Variants in ICA1 observed in about 807,000 individuals in gnomAD.
ICA1 encodes the protein islet cell autoantigen 1.
ICA1 carries 40 observed loss-of-function variants against 71.0 expected under a neutral mutation model. The ratio of observed to expected loss-of-function variants is 0.56; its 90% CI spans 0.44 to 0.73. The LOEUF (loss-of-function observed/expected upper bound fraction) is 0.73. Ranked by LOEUF, ICA1 falls within the 30% of genes least tolerant of loss-of-function variation. The pLI is 0.00. For missense variants in ICA1, 578 were observed against 576.5 expected (o/e 1.00, Z -0.03); for synonymous variants, 207 against 209.5 (o/e 0.99, Z 0.10).
At chr7:8,212,588 A>G (rs1794162077) in intron 6 of ICA1, among the ~76,000 whole-genome samples, 1 of 152,086 alleles carries the variant, frequency 6.6e-6, no homozygotes, top group South Asian at 2.1e-4. Context: ...CAAAACGAAA[A>G]ACTAAAAATG....
At chr7:8,115,242 G>A (rs1482898850) in intron 13 of ICA1, among the ~76,000 whole-genome samples, 29 of 152,164 alleles carry the variant, frequency 1.9e-4, no homozygotes, top group Admixed American at 1.8e-3. Context: ...TAATATGCAA[G>A]TTATTACTAT....
chr7:8,115,708 A>G (rs1366457237), intron 13 of ICA1, among the ~76,000 whole-genome samples: 3 of 152,214 alleles, frequency 2.0e-5, no homozygotes, highest in Admixed American at 6.5e-5. Flanking sequence ...CCTGTGGCCA[A>G]CAAGAGAAAG....
chr7:8,241,262 A>T (rs1803768012), intron 1 of ICA1, among the ~76,000 whole-genome samples: 1 of 152,252 alleles, frequency 6.6e-6, no homozygotes, highest in South Asian at 2.1e-4. Context: ...GCCAATATTC[A>T]ACATTCTTAA....
At chr7:8,204,192 G>C (rs17144903) in intron 6 of ICA1, among the ~76,000 whole-genome samples, 10,358 of 152,182 alleles carry the variant, frequency 0.068, 414 homozygotes, top group East Asian at 0.097. Context: ...AGGAAGCCAG[G>C]TCTCCTCTAC....
intron 6 of ICA1, among the ~76,000 whole-genome samples, chr7:8,216,338 TA>T (rs1795383216): frequency 6.6e-6 from 1 of 152,100 alleles, no homozygotes; most frequent in South Asian, 2.1e-4. Context: ...CAGGCTTATT[TA>T]AAAAAAGATT....
intron 6 of ICA1, among the ~76,000 whole-genome samples, chr7:8,194,205 T>G (rs1288931759): frequency 6.6e-6 from 1 of 152,126 alleles, no homozygotes; most frequent in African/African-American, 2.4e-5. Context: ...CATATACACA[T>G]GTGTGTGAAC....
At position 8,123,689 on chromosome 7, in the gene ICA1, T is replaced by A. The variant is rs1446675264; in HGVS notation, c.1330+4184A>T. 6.6e-6 allele frequency among the ~76,000 whole-genome samples: 1 copy of A among 152,220 alleles called. No individual in the cohort carries two copies. The highest frequency in any genetic ancestry group is 1.5e-5 in the Non-Finnish European group (1 of 68,036). The stretch of plus-strand genomic sequence containing the variant: ...TCCTTTATGGCTCCCTAAATATCTC[T>A]ATCCCTGTGTGCGACCAGGATGCCC... On this transcript the variant is annotated intron_variant, in intron 13 of 13. Coordinates refer to ENST00000402384, the MANE Select transcript of ICA1 (RefSeq NM_001136020.3). The surrounding 1 kb of genome is among the most constrained non-coding windows in gnomAD (Gnocchi z 4.1).
At chr7:8,183,167 C>A (rs896578282) in intron 6 of ICA1, among the ~76,000 whole-genome samples, 2 of 152,160 alleles carry the variant, frequency 1.3e-5, no homozygotes, top group East Asian at 1.9e-4. Flanking sequence ...TATGGGAATG[C>A]GGGGGAAGAT....
chr7:8,158,210 A>G, intron 7 of ICA1: 2 of 272,234 alleles, frequency 7.3e-6, no homozygotes, highest in Non-Finnish European at 6.9e-6. Context: ...TTACTGAAAA[A>G]GGCGTGACAT....
intron 6 of ICA1, among the ~76,000 whole-genome samples, chr7:8,198,049 G>C (rs1255435051): frequency 6.6e-6 from 1 of 152,176 alleles, no homozygotes; most frequent in Non-Finnish European, 1.5e-5. Context: ...TCTAAAAGTT[G>C]TGTATGTAAC....
intron 1 of ICA1, among the ~76,000 whole-genome samples, chr7:8,253,771 A>C (rs1246270140): frequency 6.6e-6 from 1 of 152,180 alleles, no homozygotes; most frequent in Non-Finnish European, 1.5e-5. Flanking sequence ...GTGGATTTTC[A>C]TAGCTGAGGG....
rs1797771482 is a variant in ICA1, at chr7:8,223,722, G to C, written c.257-2324C>G. Reference sequence around the variant, plus strand: ...GCAGGAGGATTGCTTGATACTAGGAGTTCAAGACCAGCCTGTGCAACATAG... The same window carrying C: ...GCAGGAGGATTGCTTGATACTAGGACTTCAAGACCAGCCTGTGCAACATAG... On this transcript the variant is annotated intron_variant, in intron 4 of 13. Transcript: ENST00000402384. The surrounding 1 kb of genome is among the most constrained non-coding windows in gnomAD (Gnocchi z 4.1). Among the ~76,000 whole-genome samples, 1 of 152,044 alleles carries C rather than the reference G, an allele frequency of 6.6e-6. No homozygotes were observed. The highest frequency in any genetic ancestry group is 2.1e-4 in the South Asian group (1 of 4,824).
At chr7:8,262,435 C>T (rs1812872586), upstream of ICA1, 1 of 152,260 alleles carries the variant, frequency 6.6e-6, no homozygotes, top group African/African-American at 2.4e-5. Flanking sequence ...TGGCGTTGAC[C>T]TCACCTTGCT....
At chr7:8,167,442 G>A (rs928071678) in intron 6 of ICA1, among the ~76,000 whole-genome samples, 1 of 152,116 alleles carries the variant, frequency 6.6e-6, no homozygotes, top group Admixed American at 6.6e-5. Flanking sequence ...TAGACACAAA[G>A]AAGGGAACAA....
chr7:8,141,802 C>T lies in ICA1; in HGVS notation c.918G>A (p.Glu306=), dbSNP rs537692079. 21 of 1,570,742 alleles carry T rather than the reference C, an allele frequency of 1.3e-5. No individual in the cohort carries two copies. In the South Asian group the frequency reaches 2.2e-4, roughly 16 times the overall value. ...VQEPSQLISL[E]EENQRKESSS... ...AGGATTCCTTGCGCTGGTTTTCTTC[C>T]TCTAATGAAATTAATCTTAAAATAA... The change falls in exon 10 of 14, where the codon GAG becomes GAA. Residue 306 remains glutamate (E), a synonymous_variant. Transcript: ENST00000402384.
chr7:8,208,333 T>C (rs913152384), intron 6 of ICA1, among the ~76,000 whole-genome samples: 5 of 152,192 alleles, frequency 3.3e-5, no homozygotes, highest in Admixed American at 2.0e-4. Context: ...CGGGAAACAG[T>C]AGCTACACTG....
rs932896480 is a variant in ICA1 at position 8,130,611 on chromosome 7, A to T, written c.1061-2469T>A. 6.6e-6 allele frequency among the ~76,000 whole-genome samples: 1 copy of T among 152,022 alleles called. No individual in the cohort carries two copies. The highest frequency in any genetic ancestry group is 2.4e-5 in the African/African-American group (1 of 41,368). On this transcript the variant is annotated intron_variant, in intron 12 of 13. Coordinates refer to ENST00000402384, the MANE Select transcript of ICA1 (RefSeq NM_001136020.3). This position sits in a 1 kb window ranked among gnomAD's most constrained non-coding sequence, Gnocchi z 4.2. ...AGTCAAGTCAATGTGTAGACCCTGG[A>T]GGAGCAGATAATTTCAAATGCACCT...
At chr7:8,248,558 T>C (rs778689398) in intron 1 of ICA1, among the ~76,000 whole-genome samples, 1 of 151,962 alleles carries the variant, frequency 6.6e-6, no homozygotes, top group Non-Finnish European at 1.5e-5. Context: ...CTACCAAAAA[T>C]ACAAAAAATT....
rs557176225 is a variant in ICA1, at chr7:8,114,161, C to T, written c.1331-117G>A. ...TGCAGATTGTTCAATCAGACAAATC[C>T]CTTTGCACTCTCTCTGACAATAGTT... On this transcript the variant is annotated intron_variant, in intron 13 of 13. Transcript: ENST00000402384. 1.1e-5 allele frequency: 12 copies of T among 1,106,554 alleles called. No homozygotes were observed. In the South Asian group the frequency reaches 1.6e-4, roughly 15 times the overall value. The allele number at this position is 1,106,554 out of a possible 1,614,324, so 68.5% of individuals were successfully genotyped here. A position where few individuals can be genotyped will look rare whatever the true frequency, so the allele number is the denominator to read the frequency against.
Sources: allele counts gnomAD v4.1 joint callset (sites outside exome capture counted in the v4.1 genomes callset), GRCh38; gene constraint gnomAD v4.1.1; non-coding constraint Gnocchi (gnomAD v3.1); transcripts MANE v1.5; gene names NCBI Gene and HGNC (gene_info 2026-07-23, HGNC 2026-07-21).